Variants in PPP4C observed in about 807,000 individuals in gnomAD.
The protein encoded by PPP4C is protein phosphatase 4 catalytic subunit.
PPP4C carries 10 observed loss-of-function variants against 40.5 expected under a neutral mutation model. That is an observed-to-expected ratio of 0.25 (90% CI 0.15 to 0.42). The LOEUF (loss-of-function observed/expected upper bound fraction) is 0.42, where lower values mean the gene tolerates loss of function less well. PPP4C is among the 10% of genes least tolerant of loss of function. The pLI is 1.00. For synonymous variants in PPP4C, 187 were observed against 163.6 expected (o/e 1.14, Z -1.09); for missense variants, 191 against 416.4 (o/e 0.46, Z 4.71).
At chr16:30,084,897 C>A (rs775040899) in intron 8 of PPP4C, 36 bp from the exon 9 acceptor site, 1 of 1,613,566 alleles carries the variant, frequency 6.2e-7, no homozygotes, top group South Asian at 1.1e-5. Context: ...GGCATCTGAG[C>A]CGAGCTGCTC....
chr16:30,082,594 T>C, intron 4 of PPP4C, 60 bp downstream of exon 4: 1 of 1,586,704 alleles, frequency 6.3e-7, no homozygotes, highest in Non-Finnish European at 8.7e-7. Flanking sequence ...ACCCCTGTAA[T>C]TGAGGGTGGG....
intron 5 of PPP4C, 37 bp downstream of exon 5, chr16:30,082,884 G>A (rs200991299): frequency 2.4e-5 from 37 of 1,571,154 alleles, no homozygotes; most frequent in African/African-American, 4.1e-5. Flanking sequence ...CAACCTGGGC[G>A]ACCTCGGGCC....
At position 30,083,596 on chromosome 16, in the gene PPP4C, G is replaced by C; in HGVS notation, c.477+29G>C. The C allele has an allele frequency of 6.2e-7, 1 of 1,613,868 alleles. No homozygotes were observed. Among genetic ancestry groups the C allele is most frequent in the South Asian group, 1.1e-5 (1 of 91,084 alleles). On this transcript the variant is annotated intron_variant, in intron 6 of 8. Transcript: ENST00000279387. The surrounding 1 kb of genome is among the most constrained non-coding windows in gnomAD (Gnocchi z 6.3). ...AGCCAGCCCAGGGCTCCATGGGACA[G>C]GGAGAGGAGGGGGGCTTCAGGCCTC...
In PPP4C at chr16:30,083,799, G is replaced by GGGGC. The variant is rs767607755; in HGVS notation, c.604+19_604+22dup. 4 of 1,613,054 alleles carry GGGGC rather than the reference G, an allele frequency of 2.5e-6. No individual in the cohort carries two copies. Among genetic ancestry groups the GGGGC allele is most frequent in the Non-Finnish European group, 8.5e-7 (1 of 1,179,768 alleles). ...CCCAGAAGGTGAGGGCATGTGGGCA[G>GGGGC]GGGCAGGCAGGGACAGCCAGGAGGG... On this transcript the variant is annotated intron_variant, in intron 7 of 8. Transcript: ENST00000279387. This position sits in a 1 kb window ranked among gnomAD's most constrained non-coding sequence, Gnocchi z 6.3.
chr16:30,083,792 GT>G lies in PPP4C; in HGVS notation c.604+12del. On this transcript the variant is annotated intron_variant, in intron 7 of 8. Transcript: ENST00000279387. The surrounding 1 kb of genome is among the most constrained non-coding windows in gnomAD (Gnocchi z 6.3). ...GGTCTGACCCAGAAGGTGAGGGCATGTGGGCAGGGGCAGGCAGGGACAGCCA... is the reference window on the plus strand; with the variant it reads ...GGTCTGACCCAGAAGGTGAGGGCATGGGGCAGGGGCAGGCAGGGACAGCCA... 6.2e-7 allele frequency: 1 copy of G among 1,613,700 alleles called. No homozygotes were observed. The highest frequency in any genetic ancestry group is 1.7e-5 in the Admixed American group (1 of 60,030).
chr16:30,081,180 C>T (rs1282741623), intron 2 of PPP4C, 79 bp from the exon 3 acceptor site: 2 of 1,601,376 alleles, frequency 1.2e-6, no homozygotes, highest in African/African-American at 1.3e-5. Flanking sequence ...GCCTCATATC[C>T]TCCCCTCCCC....
chr16:30,079,009 G>C (rs928205012), intron 2 of PPP4C, among the ~76,000 whole-genome samples: 1 of 152,056 alleles, frequency 6.6e-6, no homozygotes, highest in Admixed American at 6.6e-5. Context: ...ACTGAGGGGG[G>C]CTTTGCAGAG....
At position 30,077,155 on chromosome 16, in the gene PPP4C, G is replaced by A. The variant is rs187545788; in HGVS notation, c.98+680G>A. On this transcript the variant is annotated intron_variant, in intron 2 of 8. Coordinates refer to ENST00000279387, the MANE Select transcript of PPP4C (RefSeq NM_002720.3). ...GAAGTAGGATGATGTAGTGGTTAAG[G>A]CTCTAGGTTTTGCAGTGTGAGATGG... Among the ~76,000 whole-genome samples the A allele has an allele frequency of 1.8e-3, 277 of 152,288 alleles. 1 individual carries two copies. Among genetic ancestry groups the A allele is most frequent in the South Asian group, 0.014 (66 of 4,826 alleles).
Position 30,076,153 on chromosome 16 carries a change from G to A in PPP4C, c.-64+59G>A. ...TTAGCGCGGGACCGCGGGGTTCGACGGGAGTTAGCGGGGGTGCGGCCAGGC... is the reference window on the plus strand; with the variant it reads ...TTAGCGCGGGACCGCGGGGTTCGACAGGAGTTAGCGGGGGTGCGGCCAGGC... On this transcript the variant is annotated intron_variant, in intron 1 of 8. Coordinates refer to ENST00000279387, the MANE Select transcript of PPP4C (RefSeq NM_002720.3). 7.0e-6 allele frequency: 4 copies of A among 574,552 alleles called. No homozygotes were observed. In the South Asian group the frequency reaches 8.3e-5, roughly 12 times the overall value. The allele number at this position is 574,552 out of a possible 1,614,324, so 35.6% of individuals were successfully genotyped here.
intron 3 of PPP4C, among the ~76,000 whole-genome samples, chr16:30,082,146 T>C (rs1030218611): frequency 6.6e-6 from 1 of 152,092 alleles, no homozygotes; most frequent in African/African-American, 2.4e-5. Context: ...GCAGAAGGAC[T>C]CCTATTTGGC....
intron 2 of PPP4C, among the ~76,000 whole-genome samples, chr16:30,079,042 TC>T (rs1329651671): frequency 6.6e-6 from 1 of 152,122 alleles, no homozygotes; most frequent in Non-Finnish European, 1.5e-5. Context: ...GCATGTGACC[TC>T]CCTGGGCTTC....
chr16:30,085,223 G>C lies in PPP4C; in HGVS notation c.*161G>C. 1 of 747,472 alleles carries C rather than the reference G, an allele frequency of 1.3e-6. No homozygotes were observed. 46.3% of individuals were successfully genotyped at this position (747,472 alleles called of 1,614,324 possible). A position where few individuals can be genotyped will look rare whatever the true frequency, so the allele number is the denominator to read the frequency against. ...GAGGACTTCTCTGGAGAGGCCTGGAGACCTAGCTCCATGTTCCTCCTCCTC... is the reference window on the plus strand; with the variant it reads ...GAGGACTTCTCTGGAGAGGCCTGGACACCTAGCTCCATGTTCCTCCTCCTC... On this transcript the variant is annotated 3_prime_UTR_variant, in exon 9 of 9. Coordinates refer to ENST00000279387, the MANE Select transcript of PPP4C (RefSeq NM_002720.3).
At position 30,076,431 on chromosome 16, in the gene PPP4C, G is replaced by C. The variant is rs1266472093; in HGVS notation, c.54G>C (p.Glu18Asp). 1 of 1,613,310 alleles carries C rather than the reference G, an allele frequency of 6.2e-7. No individual in the cohort carries two copies. The highest frequency in any genetic ancestry group is 8.5e-7 in the Non-Finnish European group (1 of 1,179,846). Residue 18 changes from glutamate (E) to aspartate (D), a missense_variant, in exon 2 of 9, where the codon GAG (glutamate) becomes GAC (aspartate). By Grantham distance (45) the Glu-to-Asp change is conservative. Transcript: ENST00000279387. ...AGATCGAGCAGCTGCGTCGCTGCGA[G>C]CTCATCAAGGAGAGCGAAGTCAAGG... is the stretch of plus-strand genomic sequence containing the variant. ...DRQIEQLRRCELIKESEVKAL... is the reference protein window; with the variant it reads ...DRQIEQLRRCDLIKESEVKAL...
chr16:30,082,136 G>A (rs1218598966), intron 3 of PPP4C, among the ~76,000 whole-genome samples: 1 of 152,152 alleles, frequency 6.6e-6, no homozygotes, highest in Non-Finnish European at 1.5e-5. Flanking sequence ...CTTGGCCAGG[G>A]CAGAAGGACT....
intron 3 of PPP4C, 147 bp from the exon 4 acceptor site, chr16:30,082,337 A>T (rs2072526186): frequency 3.8e-6 from 3 of 781,242 alleles, no homozygotes; most frequent in South Asian, 1.5e-5. Context: ...GACCAGACTG[A>T]CTTGGGGTGG....
At chr16:30,082,049 C>T (rs903052984) in intron 3 of PPP4C, among the ~76,000 whole-genome samples, 15 of 141,656 alleles carry the variant, frequency 1.1e-4, no homozygotes, top group South Asian at 2.4e-4. Flanking sequence ...AGTGAGACTC[C>T]GTCTAAAAAA....
chr16:30,079,706 G>C (rs2072467969), intron 2 of PPP4C, among the ~76,000 whole-genome samples: 1 of 152,188 alleles, frequency 6.6e-6, no homozygotes, highest in Admixed American at 6.5e-5. Flanking sequence ...CTGCCATACA[G>C]AGCAAGGGGC....
chr16:30,085,047 C>T lies in PPP4C; in HGVS notation c.909C>T (p.Ala303=), dbSNP rs370592110. The change falls in exon 9 of 9, where the codon GCC becomes GCT. Residue 303 remains alanine, a synonymous_variant. Coordinates refer to ENST00000279387, the MANE Select transcript of PPP4C (RefSeq NM_002720.3). ...GCATCCCCTCCAAGAAGCCCGTGGCCGACTACTTCCTGTGACCCCGCCCGG... is the reference window on the plus strand; with the variant it reads ...GCATCCCCTCCAAGAAGCCCGTGGCTGACTACTTCCTGTGACCCCGCCCGG... ...TRGIPSKKPV[A]DYFL 1.7e-5 allele frequency: 27 copies of T among 1,613,878 alleles called. No homozygotes were observed. Among genetic ancestry groups the T allele is most frequent in the East Asian group, 8.9e-5 (4 of 44,884 alleles).
intron 3 of PPP4C, 41 bp from the exon 4 acceptor site, chr16:30,082,443 C>A: frequency 6.3e-7 from 1 of 1,587,004 alleles, no homozygotes. Context: ...CCTGGCAACT[C>A]CCACTGCTTG....
Sources: gnomAD v4.1 joint callset for allele counts (sites outside exome capture counted in the v4.1 genomes callset) on GRCh38, gnomAD v4.1.1 for gene constraint, Gnocchi (gnomAD v3.1) non-coding constraint, MANE v1.5 for transcripts, NCBI Gene and HGNC (gene_info 2026-07-23, HGNC 2026-07-21) for gene names.